TIMM44: variants seen among roughly 807,000 people sequenced by gnomAD.
TIMM44 encodes the protein mitochondrial import inner membrane translocase subunit TIM44.
A neutral mutation model predicts 63.8 loss-of-function variants in TIMM44; 37 were observed. That is an observed-to-expected ratio of 0.58 (90% confidence interval 0.45 to 0.76). TIMM44 has a LOEUF of 0.76. TIMM44 is among the 30% of genes least tolerant of loss of function. The pLI is 0.00. For missense variants in TIMM44, 573 were observed against 603.8 expected (o/e 0.95, Z 0.54); for synonymous variants, 239 against 245.1 (o/e 0.98, Z 0.23).
At chr19:7,927,631 C>T (rs200223099) in intron 12 of TIMM44, 26 bp downstream of exon 12, 6 of 1,603,348 alleles carry the variant, frequency 3.7e-6, no homozygotes. Flanking sequence ...TGTCATGTGC[C>T]TGCCCCATCC....
In TIMM44 at chr19:7,927,152, A is replaced by C; in HGVS notation, c.*35T>G. ...TGTTGCGGTGCCTCTGTGCCTGATG[A>C]CCCAGGCCGGGGCTACCTGGCTCCG... On this transcript the variant is annotated 3_prime_UTR_variant, in exon 13 of 13. Transcript: ENST00000270538. The C allele has an allele frequency of 1.9e-6, 3 of 1,588,138 alleles. No individual in the cohort carries two copies. Among genetic ancestry groups the C allele is most frequent in the Non-Finnish European group, 2.6e-6 (3 of 1,173,146 alleles).
chr19:7,941,203 TGGG>T lies in TIMM44; in HGVS notation c.46-9_46-7del. The T allele has an allele frequency of 6.2e-7, 1 of 1,606,916 alleles. No homozygotes were observed. The highest frequency in any genetic ancestry group is 8.5e-7 in the Non-Finnish European group (1 of 1,173,818). ...ATTCCACTGCCGAGGCATCTCTAAT[TGGG>T]GGGAGAGAAGAGAAAGATCCATTCT... On this transcript the variant is annotated splice_region_variant and splice_polypyrimidine_tract_variant and intron_variant, in intron 1 of 12. Transcript: ENST00000270538.
At position 7,927,179 on chromosome 19, in the gene TIMM44, C is replaced by A. The variant is rs756940465; in HGVS notation, c.*8G>T. 1 of 1,605,784 alleles carries A rather than the reference C, an allele frequency of 6.2e-7. No homozygotes were observed. The highest frequency in any genetic ancestry group is 1.1e-5 in the South Asian group (1 of 90,844). On this transcript the variant is annotated 3_prime_UTR_variant, in exon 13 of 13. Coordinates refer to ENST00000270538, the MANE Select transcript of TIMM44 (RefSeq NM_006351.4). ...CCAGGCCGGGGCTACCTGGCTCCGG[C>A]ACCACACTCAGAGAATCTGCTCGGT...
In TIMM44 at chr19:7,941,162, G is replaced by A. The variant is rs1256810851; in HGVS notation, c.81C>T (p.Ser27=). 1 of 1,614,174 alleles carries A rather than the reference G, an allele frequency of 6.2e-7. No individual in the cohort carries two copies. Among genetic ancestry groups the A allele is most frequent in the East Asian group, 2.2e-5 (1 of 44,880 alleles). The change falls in exon 2 of 13, where the codon AGC becomes AGT. Residue 27 remains serine (S), a synonymous_variant. Transcript: ENST00000270538. The part of the protein sequence containing the change: ...CLGSGIQFLS[S]HNLPHGSTYQ... ...AGGTCGACCCATGGGGTAGGTTGTG[G>A]CTGGAAAGAAATTGGATTCCACTGC...
chr19:7,934,549 T>C lies in TIMM44; in HGVS notation c.394-311A>G, dbSNP rs1322646803. ...CGGGATGCTGGCCCTGGGCTCTGGGTGAGACGCTGGGTCTGCTGGCCCCTT... is the reference window on the plus strand; with the variant it reads ...CGGGATGCTGGCCCTGGGCTCTGGGCGAGACGCTGGGTCTGCTGGCCCCTT... On this transcript the variant is annotated intron_variant, in intron 4 of 12. Transcript: ENST00000270538. The surrounding 1 kb of genome is among the most constrained non-coding windows in gnomAD (Gnocchi z 5.3). Among the ~76,000 whole-genome samples, 1 of 152,058 alleles carries C rather than the reference T, an allele frequency of 6.6e-6. No individual in the cohort carries two copies. Among genetic ancestry groups the C allele is most frequent in the Admixed American group, 6.5e-5 (1 of 15,276 alleles).
chr19:7,930,325 T>TG (rs1205791972), intron 10 of TIMM44, among the ~76,000 whole-genome samples: 1 of 126,188 alleles, frequency 7.9e-6, no homozygotes, highest in South Asian at 2.3e-4. Flanking sequence ...TTTTTTTTTT[T>TG]GGAGACAGAA....
chr19:7,932,741 G>A lies in TIMM44; in HGVS notation c.873C>T (p.Phe291=). The change falls in exon 9 of 13, where the codon TTC becomes TTT. Residue 291 remains phenylalanine, a synonymous_variant. Coordinates refer to ENST00000270538, the MANE Select transcript of TIMM44 (RefSeq NM_006351.4). The stretch of plus-strand genomic sequence containing the variant: ...GCACCTCCGACATCTCTGTCTTGGA[G>A]AACAGGCCCCCTGCAGGGAGCAGAG... ...DKVTDLLGGL[F]SKTEMSEVLT... 4.3e-6 allele frequency: 7 copies of A among 1,614,122 alleles called. 1 individual carries two copies. The South Asian group carries it at 7.7e-5, about 18-fold the overall frequency.
rs905832236 is a variant in TIMM44 at position 7,934,171 on chromosome 19, T to C, written c.461A>G (p.Lys154Arg). The change falls in exon 5 of 13, where the codon AAG becomes AGG. Residue 154 changes from lysine (K) to arginine (R), a missense_variant. Coordinates refer to ENST00000270538, the MANE Select transcript of TIMM44 (RefSeq NM_006351.4). This position sits in a 1 kb window ranked among gnomAD's most constrained non-coding sequence, Gnocchi z 5.3. ...KIKEGVEEAA[K>R]TAKQSAESVS... ...CGACTCGGCCGACTGCTTGGCCGTC[T>C]TGGCTGCTTCCTCCACGCCCTCCTT... The C allele has an allele frequency of 3.3e-5, 53 of 1,613,520 alleles. No homozygotes were observed. The highest frequency in any genetic ancestry group is 4.2e-5 in the Non-Finnish European group (50 of 1,179,998).
chr19:7,929,729 C>T (rs953539819), intron 10 of TIMM44, among the ~76,000 whole-genome samples: 6 of 151,728 alleles, frequency 4.0e-5, no homozygotes, highest in Admixed American at 6.6e-5. Flanking sequence ...CTGTCCCTGA[C>T]CCCCGGCCCC....
At position 7,927,293 on chromosome 19, in the gene TIMM44, C is replaced by T. The variant is rs757552069; in HGVS notation, c.1253G>A (p.Arg418Gln). The T allele has an allele frequency of 3.1e-6, 5 of 1,611,032 alleles. No individual in the cohort carries two copies. The highest frequency in any genetic ancestry group is 3.3e-5 in the Admixed American group (2 of 59,992). ...GCAGAGCGCCCACACGTACAGCATC[C>T]GCAGCACCTTGTCCTGCAGGGTGGG... ...VVEGDPDKVL[R>Q]MLYVWALCRD... The change falls in exon 13 of 13, where the codon CGG becomes CAG. Residue 418 changes from arginine to glutamine, a missense_variant. Physicochemically the swap from Arg to Gln is conservative, Grantham distance 43 (BLOSUM62 1). Coordinates refer to ENST00000270538, the MANE Select transcript of TIMM44 (RefSeq NM_006351.4).
intron 2 of TIMM44, among the ~76,000 whole-genome samples, chr19:7,939,776 T>C (rs950952067): frequency 6.6e-6 from 1 of 151,314 alleles, no homozygotes; most frequent in Admixed American, 6.6e-5. Context: ...ATTAGCCAGG[T>C]GTGGCGGCGC....
chr19:7,927,859 G>C, intron 11 of TIMM44, 92 bp from the exon 12 acceptor site: 1 of 1,353,204 alleles, frequency 7.4e-7, no homozygotes, highest in Non-Finnish European at 1.0e-6. Flanking sequence ...CCTGCTAGGA[G>C]AAGGCTCCAG....
At position 7,934,512 on chromosome 19, in the gene TIMM44, C is replaced by T. The variant is rs981369572; in HGVS notation, c.394-274G>A. On this transcript the variant is annotated intron_variant, in intron 4 of 12. Coordinates refer to ENST00000270538, the MANE Select transcript of TIMM44 (RefSeq NM_006351.4). The surrounding 1 kb of genome is among the most constrained non-coding windows in gnomAD (Gnocchi z 5.3). ...GGCACCCCCAGAGCCATGAGCACAC[C>T]GCCACGGCTTCCGGGATGCTGGCCC... 1.8e-4 allele frequency among the ~76,000 whole-genome samples: 28 copies of T among 151,654 alleles called. No homozygotes were observed. Among genetic ancestry groups the T allele is most frequent in the African/African-American group, 6.3e-4 (26 of 41,384 alleles).
rs1327019609 is a variant in TIMM44, at chr19:7,928,063, T to C, written c.1128+14A>G. The C allele has an allele frequency of 5.6e-6, 9 of 1,611,498 alleles. No homozygotes were observed. The African/African-American group carries it at 8.0e-5, about 14-fold the overall frequency. On this transcript the variant is annotated intron_variant, in intron 11 of 12. Transcript: ENST00000270538. Reference sequence around the variant, plus strand: ...CCCCGATGGTGGCCCGGGCCCCCACTGCGAGGTGCTTACGTCGACGTTGTC... The same window carrying C: ...CCCCGATGGTGGCCCGGGCCCCCACCGCGAGGTGCTTACGTCGACGTTGTC...
intron 11 of TIMM44, 130 bp from the exon 12 acceptor site, chr19:7,927,897 G>A (rs986759866): frequency 3.5e-5 from 40 of 1,130,642 alleles, no homozygotes; most frequent in South Asian, 6.6e-5. Context: ...GTCCCTCCCC[G>A]TGGGCCTTGC....
intron 10 of TIMM44, chr19:7,928,444 T>G (rs1983881110): frequency 2.1e-6 from 1 of 486,642 alleles, no homozygotes; most frequent in East Asian, 3.5e-5. Flanking sequence ...AAATCCCAAA[T>G]CTACTCCCAG....
In TIMM44 at chr19:7,943,460, G is replaced by A; in HGVS notation, c.45+147C>T. The stretch of plus-strand genomic sequence containing the variant: ...GCCACGCTCTGTGCCCCCTGTCCTG[G>A]CCTCTGCTACCCAAAGATCTAACCC... On this transcript the variant is annotated intron_variant, in intron 1 of 12. Transcript: ENST00000270538. This position sits in a 1 kb window ranked among gnomAD's most constrained non-coding sequence, Gnocchi z 4.3. The A allele has an allele frequency of 1.0e-6, 1 of 980,410 alleles. No individual in the cohort carries two copies. The highest frequency in any genetic ancestry group is 1.5e-6 in the Non-Finnish European group (1 of 650,034). 60.7% of individuals were successfully genotyped at this position (980,410 alleles called of 1,614,324 possible). A position where few individuals can be genotyped will look rare whatever the true frequency, so the allele number is the denominator to read the frequency against.
In TIMM44 at chr19:7,938,131, C is replaced by T; in HGVS notation, c.208G>A (p.Glu70Lys). Residue 70 changes from glutamate to lysine, a missense_variant, in exon 3 of 13, where the codon GAA becomes AAA. Glu to Lys is a moderately conservative substitution (Grantham distance 56). Transcript: ENST00000270538. ...TTCATTTCTTTGTTTTTGGCTAATTCTTGTTTGACATTATCTAGCAAGCCG... is the reference window on the plus strand; with the variant it reads ...TTCATTTCTTTGTTTTTGGCTAATTTTTGTTTGACATTATCTAGCAAGCCG... Reference protein sequence around the residue: ...LSGLLDNVKQELAKNKEMKES... With the variant: ...LSGLLDNVKQKLAKNKEMKES... 6.2e-7 allele frequency: 1 copy of T among 1,613,886 alleles called. No individual in the cohort carries two copies. Among genetic ancestry groups the T allele is most frequent in the Non-Finnish European group, 8.5e-7 (1 of 1,179,948 alleles).
At chr19:7,940,278 G>A in intron 2 of TIMM44, among the ~76,000 whole-genome samples, 1 of 151,602 alleles carries the variant, frequency 6.6e-6, no homozygotes, top group East Asian at 1.9e-4. Context: ...CAGGTGGCCA[G>A]GCCTCCTGTC....
Sources: allele counts gnomAD v4.1 joint callset (sites outside exome capture counted in the v4.1 genomes callset), GRCh38; gene constraint gnomAD v4.1.1; non-coding constraint Gnocchi (gnomAD v3.1); transcripts MANE v1.5; gene names NCBI Gene and HGNC (gene_info 2026-07-23, HGNC 2026-07-21).